The following KIF26B variants were observed in gnomAD, a reference collection of about 807,000 sequenced individuals.
The protein encoded by KIF26B is kinesin-like protein KIF26B.
Under a neutral mutation model 151.2 loss-of-function variants are expected in KIF26B, and 63 were observed. That is an observed-to-expected ratio of 0.42 (90% CI 0.34 to 0.51). The LOEUF (loss-of-function observed/expected upper bound fraction) is 0.51, where lower values mean the gene tolerates loss of function less well. KIF26B is among the 20% of genes least tolerant of loss of function. KIF26B has a pLI of 0.07. For missense variants in KIF26B, 2,813 were observed against 2,913.6 expected (o/e 0.97, Z 0.79); for synonymous variants, 1,357 against 1,262.1 (o/e 1.08, Z -1.59).
At chr1:245,276,509 C>T (rs1272727639) in intron 2 of KIF26B, among the ~76,000 whole-genome samples, 1 of 152,162 alleles carries the variant, frequency 6.6e-6, no homozygotes, top group Non-Finnish European at 1.5e-5. Context: ...TTATTCTCAG[C>T]ATCCCTTGAC....
At chr1:245,454,198 G>A (rs904379886) in intron 4 of KIF26B, among the ~76,000 whole-genome samples, 1 of 152,178 alleles carries the variant, frequency 6.6e-6, no homozygotes, top group African/African-American at 2.4e-5. Flanking sequence ...ACTATACAGA[G>A]TCTCCTTATC....
chr1:245,459,740 A>G (rs530048679), intron 4 of KIF26B, among the ~76,000 whole-genome samples: 192 of 152,226 alleles, frequency 1.3e-3, no homozygotes, highest in African/African-American at 4.2e-3. Context: ...AAACAGAGGC[A>G]CAAAAGTGGA....
At chr1:245,364,309 C>T (rs1036594211) in intron 2 of KIF26B, among the ~76,000 whole-genome samples, 6 of 151,676 alleles carry the variant, frequency 4.0e-5, no homozygotes, top group South Asian at 2.1e-4. Flanking sequence ...ATGGCTCATG[C>T]GGTTTCTGGA....
In KIF26B at chr1:245,155,283, C is replaced by T; in HGVS notation, c.-142C>T. On this transcript the variant is annotated 5_prime_UTR_variant, in exon 1 of 15. Transcript: ENST00000407071. Reference sequence around the variant, plus strand: ...CTTGTGGGATCCATTTGCTTTCATTCCCTCCCACCCCACCGCTGAAGAAAC... The same window carrying T: ...CTTGTGGGATCCATTTGCTTTCATTTCCTCCCACCCCACCGCTGAAGAAAC... 1.5e-6 allele frequency: 1 copy of T among 686,170 alleles called. No individual in the cohort carries two copies. The highest frequency in any genetic ancestry group is 2.8e-5 in the East Asian group (1 of 35,586). The allele number at this position is 686,170 out of a possible 1,614,324, so 42.5% of individuals were successfully genotyped here.
At chr1:245,554,127 T>C (rs1661960489) in intron 5 of KIF26B, among the ~76,000 whole-genome samples, 1 of 152,180 alleles carries the variant, frequency 6.6e-6, no homozygotes, top group Non-Finnish European at 1.5e-5. Flanking sequence ...CTCCGTGTTT[T>C]GTATCATGTA....
At position 245,239,082 on chromosome 1, in the gene KIF26B, C is replaced by T. The variant is rs977976081; in HGVS notation, c.465+82399C>T. 6.6e-6 allele frequency among the ~76,000 whole-genome samples: 1 copy of T among 152,164 alleles called. No homozygotes were observed. The highest frequency in any genetic ancestry group is 6.5e-5 in the Admixed American group (1 of 15,268). On this transcript the variant is annotated intron_variant, in intron 2 of 14. Coordinates refer to ENST00000407071, the MANE Select transcript of KIF26B (RefSeq NM_018012.4). This position sits in a 1 kb window ranked among gnomAD's most constrained non-coding sequence, Gnocchi z 4.3. The stretch of plus-strand genomic sequence containing the variant: ...TGCAAGAGTTGTATTTTCTGCCTCA[C>T]GTCGCTGTCCTTCTCCCAGCCCATT...
At chr1:245,553,070 T>C (rs1661932171) in intron 5 of KIF26B, among the ~76,000 whole-genome samples, 1 of 152,202 alleles carries the variant, frequency 6.6e-6, no homozygotes, top group Admixed American at 6.5e-5. Flanking sequence ...ATATGTTTGT[T>C]TCTACTGTTC....
At chr1:245,498,084 C>A (rs1246091618) in intron 4 of KIF26B, among the ~76,000 whole-genome samples, 4 of 152,218 alleles carry the variant, frequency 2.6e-5, no homozygotes, top group African/African-American at 9.6e-5. Flanking sequence ...AACATTCAAA[C>A]ATCATTTATT....
chr1:245,337,518 ATGTGTGTGTGTG>A (rs74163041), intron 2 of KIF26B, among the ~76,000 whole-genome samples: 1,870 of 145,538 alleles, frequency 0.013, 31 homozygotes, highest in African/African-American at 0.04. Context: ...TACTTAGGAA[ATGTGTGTGTGTG>A]TGTGTGTGTG....
chr1:245,349,377 G>C (rs1215037507), intron 2 of KIF26B, among the ~76,000 whole-genome samples: 1 of 152,076 alleles, frequency 6.6e-6, no homozygotes, highest in Non-Finnish European at 1.5e-5. Context: ...TTTACAGCAT[G>C]TTTTCCGTTG....
At chr1:245,230,641 G>A (rs1208662143) in intron 2 of KIF26B, among the ~76,000 whole-genome samples, 1 of 152,004 alleles carries the variant, frequency 6.6e-6, no homozygotes, top group Non-Finnish European at 1.5e-5. Flanking sequence ...TACTCGGGAG[G>A]ATGAGGCAGG....
intron 4 of KIF26B, among the ~76,000 whole-genome samples, chr1:245,424,715 T>G (rs1169730704): frequency 6.6e-6 from 1 of 152,174 alleles, no homozygotes; most frequent in Non-Finnish European, 1.5e-5. Context: ...ATTTTCTGTC[T>G]GTTGAATCTA....
intron 2 of KIF26B, among the ~76,000 whole-genome samples, chr1:245,184,507 A>G (rs1251453569): frequency 1.3e-5 from 2 of 152,198 alleles, no homozygotes; most frequent in Non-Finnish European, 2.9e-5. Context: ...AAGCAGGTTC[A>G]CTTTTAATGT....
intron 3 of KIF26B, among the ~76,000 whole-genome samples, chr1:245,405,624 G>GT (rs548316578): frequency 0.15 from 21,558 of 144,620 alleles, 4,503 homozygotes; most frequent in African/African-American, 0.47. Flanking sequence ...TATTGATGTT[G>GT]TTTTTTTTTT....
chr1:245,271,001 G>T (rs2364340), intron 2 of KIF26B, among the ~76,000 whole-genome samples: 95,683 of 152,028 alleles, frequency 0.63, 30,660 homozygotes, highest in African/African-American at 0.74. Context: ...GCACCACTTT[G>T]TGAGACAATC....
At chr1:245,188,096 A>G (rs900025462) in intron 2 of KIF26B, among the ~76,000 whole-genome samples, 2 of 152,190 alleles carry the variant, frequency 1.3e-5, no homozygotes, top group South Asian at 2.1e-4. Context: ...CTTAGCCGAC[A>G]TGGCAAAACC....
chr1:245,465,857 G>A (rs377723351), intron 4 of KIF26B, among the ~76,000 whole-genome samples: 73 of 152,282 alleles, frequency 4.8e-4, no homozygotes, highest in African/African-American at 1.7e-3. Flanking sequence ...GGAGCCAGGA[G>A]GACAAGTGCC....
intron 5 of KIF26B, among the ~76,000 whole-genome samples, chr1:245,595,995 G>C (rs1259015006): frequency 6.6e-6 from 1 of 152,172 alleles, no homozygotes; most frequent in African/African-American, 2.4e-5. Context: ...ATTTCTGTGG[G>C]ATCAGTGGTG....
chr1:245,516,528 C>T lies in KIF26B; in HGVS notation c.1167-24239C>T, dbSNP rs1445199285. 6.6e-6 allele frequency among the ~76,000 whole-genome samples: 1 copy of T among 152,072 alleles called. No individual in the cohort carries two copies. Among genetic ancestry groups the T allele is most frequent in the Non-Finnish European group, 1.5e-5 (1 of 68,014 alleles). On this transcript the variant is annotated intron_variant, in intron 4 of 14. Coordinates refer to ENST00000407071, the MANE Select transcript of KIF26B (RefSeq NM_018012.4). The surrounding 1 kb of genome is among the most constrained non-coding windows in gnomAD (Gnocchi z 4.2). ...GTGAATACACTGTGGGTCTATTATT[C>T]GCCTCTTCAGATCCAGCCCAGGAGT...
Sources: allele counts gnomAD v4.1 joint callset (sites outside exome capture counted in the v4.1 genomes callset), GRCh38; gene constraint gnomAD v4.1.1; non-coding constraint Gnocchi (gnomAD v3.1); transcripts MANE v1.5; gene names NCBI Gene and HGNC (gene_info 2026-07-23, HGNC 2026-07-21).